The following KIAA1217 variants were observed in gnomAD, a reference collection of about 807,000 sequenced individuals.
KIAA1217 encodes KIAA1217, also known as sickle tail protein homolog.
Under a neutral mutation model 163.9 loss-of-function variants are expected in KIAA1217, and 88 were observed. That is an observed-to-expected ratio of 0.54 (90% CI 0.45 to 0.64). The LOEUF is 0.64. KIAA1217 is among the 30% of genes least tolerant of loss of function. KIAA1217 has a pLI of 0.00. For synonymous variants in KIAA1217, 903 were observed against 923.1 expected, an observed-to-expected ratio of 0.98 and a Z score of 0.39; for missense variants, 2,372 against 2,475.0, an observed-to-expected ratio of 0.96 and a Z score of 0.88.
chr10:23,973,280 A>G (rs1425353392), intron 1 of KIAA1217, among the ~76,000 whole-genome samples: 1 of 152,256 alleles, frequency 6.6e-6, no homozygotes, highest in Admixed American at 6.5e-5. Context: ...ATTTTAGCCT[A>G]TCGTTATAAT....
chr10:23,895,050 C>G (rs1162776082), intron 1 of KIAA1217, among the ~76,000 whole-genome samples: 1 of 152,012 alleles, frequency 6.6e-6, no homozygotes, highest in Non-Finnish European at 1.5e-5. Flanking sequence ...AGAAGAAAAC[C>G]TAGGCATTAC....
intron 2 of KIAA1217, among the ~76,000 whole-genome samples, chr10:24,372,702 A>G (rs866681730): frequency 1.8e-4 from 28 of 152,158 alleles, no homozygotes; most frequent in African/African-American, 5.8e-4. Context: ...AAAGAAAACT[A>G]ATGCTCGCAT....
chr10:23,892,839 A>C (rs908061913), intron 1 of KIAA1217, among the ~76,000 whole-genome samples: 1 of 151,970 alleles, frequency 6.6e-6, no homozygotes, highest in African/African-American at 2.4e-5. Flanking sequence ...TAATGCCATC[A>C]TCAACAAACC....
chr10:23,967,381 G>A (rs1436950179), intron 1 of KIAA1217, among the ~76,000 whole-genome samples: 3 of 152,144 alleles, frequency 2.0e-5, no homozygotes, highest in African/African-American at 4.8e-5. Context: ...ATAACAGAAG[G>A]AGACATATTT....
chr10:24,067,305 G>T (rs371703396), intron 2 of KIAA1217, among the ~76,000 whole-genome samples: 1 of 152,100 alleles, frequency 6.6e-6, no homozygotes, highest in Non-Finnish European at 1.5e-5. Flanking sequence ...TGATGGTGAC[G>T]TACTGATGGG....
intron 2 of KIAA1217, among the ~76,000 whole-genome samples, chr10:24,016,300 G>T (rs1371561741): frequency 1.3e-5 from 2 of 152,056 alleles, no homozygotes; most frequent in Non-Finnish European, 2.9e-5. Context: ...TCTTTGCTCA[G>T]TTCTTGTATT....
chr10:24,039,685 A>G (rs1645409264), intron 2 of KIAA1217, among the ~76,000 whole-genome samples: 1 of 152,130 alleles, frequency 6.6e-6, no homozygotes, highest in Non-Finnish European at 1.5e-5. Flanking sequence ...ACCTACCCCC[A>G]TTGTACGTCA....
rs905495929 is a variant in KIAA1217, at chr10:24,542,507, G to T, written c.3535-186G>T. On this transcript the variant is annotated intron_variant, in intron 17 of 20. Coordinates refer to ENST00000376454, the MANE Select transcript of KIAA1217 (RefSeq NM_019590.5). ...AGATTTTCATCTTGTGCAAACACAG[G>T]GCATTTTTGGCAGTTGGAGAACAAA... 2.8e-6 allele frequency: 4 copies of T among 1,420,884 alleles called. No individual in the cohort carries two copies. In the African/African-American group the frequency reaches 5.8e-5, roughly 20 times the overall value. The allele number at this position is 1,420,884 out of a possible 1,614,324, so 88.0% of individuals were successfully genotyped here. A position where few individuals can be genotyped will look rare whatever the true frequency, so the allele number is the denominator to read the frequency against.
rs1330033894 is a variant in KIAA1217, at chr10:24,473,996, C to A, written c.1615C>A (p.Pro539Thr). The change falls in exon 6 of 21, where the codon CCT becomes ACT. Residue 539 changes from proline (P) to threonine (T), a missense_variant. By Grantham distance (38) the Pro-to-Thr change is conservative. This residue lies in a region of KIAA1217 where 1,431 missense variants were observed against 1,470.3 expected (regional missense o/e 0.97). Coordinates refer to ENST00000376454, the MANE Select transcript of KIAA1217 (RefSeq NM_019590.5). ...ATCCAGCCTTGTAGACCTCGGCCCT[C>A]CTCTAATGGAGAAGCAAGTTTTTGC... ...GLSSLVDLGP[P>T]LMEKQVFAYS... 6.2e-7 allele frequency: 1 copy of A among 1,612,866 alleles called. No homozygotes were observed. The highest frequency in any genetic ancestry group is 1.3e-5 in the African/African-American group (1 of 74,802).
chr10:24,513,231 A>G (rs764761378), intron 9 of KIAA1217, 28 bp from the exon 10 acceptor site: 1 of 1,610,590 alleles, frequency 6.2e-7, no homozygotes, highest in Non-Finnish European at 8.5e-7. Flanking sequence ...GGCAGAGCCC[A>G]CTGAGGTTGA....
chr10:24,165,383 C>T lies in KIAA1217; in HGVS notation c.-170-54243C>T, dbSNP rs74123655. ...GATCCATATGTGGATGGCTGTCACA[C>T]AAGAGATGCTAGGAATGTGTCAGTG... On this transcript the variant is annotated intron_variant, in intron 2 of 18. Coordinates refer to the KIAA1217 transcript ENST00000376462. 1.4e-3 allele frequency among the ~76,000 whole-genome samples: 211 copies of T among 152,272 alleles called. 1 individual carries two copies. The highest frequency in any genetic ancestry group is 4.7e-3 in the African/African-American group (197 of 41,562).
intron 2 of KIAA1217, among the ~76,000 whole-genome samples, chr10:24,033,927 T>G (rs991049905): frequency 6.6e-6 from 1 of 152,220 alleles, no homozygotes; most frequent in Non-Finnish European, 1.5e-5. Context: ...TATTTACTGT[T>G]TGGCTCCTTA....
intron 2 of KIAA1217, among the ~76,000 whole-genome samples, chr10:24,291,046 TGGA>T (rs1195495801): frequency 2.0e-5 from 3 of 152,232 alleles, no homozygotes; most frequent in Non-Finnish European, 4.4e-5. Context: ...GAATAAGTTT[TGGA>T]ATGCTTCCTC....
At chr10:24,368,736 G>T (rs1564552081) in intron 2 of KIAA1217, 1 of 429,968 alleles carries the variant, frequency 2.3e-6, no homozygotes. Context: ...AGGTTTGTTT[G>T]TACCCTTCTC....
intron 6 of KIAA1217, among the ~76,000 whole-genome samples, chr10:24,484,245 T>A (rs201860468): frequency 0.035 from 2,865 of 82,412 alleles, 103 homozygotes; most frequent in African/African-American, 0.14. Context: ...ATATATATTT[T>A]TTTTTTTTTT....
intron 1 of KIAA1217, among the ~76,000 whole-genome samples, chr10:23,939,501 A>G (rs751593209): frequency 1.3e-5 from 2 of 152,084 alleles, no homozygotes; most frequent in African/African-American, 2.4e-5. Flanking sequence ...ATCACCAAGG[A>G]TAAATATAAA....
chr10:24,440,902 C>T (rs1310097422), intron 5 of KIAA1217, among the ~76,000 whole-genome samples: 1 of 152,234 alleles, frequency 6.6e-6, no homozygotes, highest in Non-Finnish European at 1.5e-5. Context: ...ATTGCAGACG[C>T]TAAAAGGCAT....
chr10:24,451,678 G>A (rs77531776), intron 5 of KIAA1217, among the ~76,000 whole-genome samples: 2,196 of 152,308 alleles, frequency 0.014, 43 homozygotes, highest in African/African-American at 0.05. Flanking sequence ...GTTAGCTCCC[G>A]AAGAGTTCTG....
At chr10:24,179,974 C>G (rs2066091592) in intron 2 of KIAA1217, among the ~76,000 whole-genome samples, 1 of 152,180 alleles carries the variant, frequency 6.6e-6, no homozygotes, top group Non-Finnish European at 1.5e-5. Flanking sequence ...ATGGAGGAAA[C>G]TAGTGGAAGA....
Sources: gnomAD v4.1 joint callset for allele counts (sites outside exome capture counted in the v4.1 genomes callset) on GRCh38, gnomAD v4.1.1 for gene constraint, gnomAD v4.1.1 regional missense constraint, MANE v1.5 for transcripts, NCBI Gene and HGNC (gene_info 2026-07-23, HGNC 2026-07-21) for gene names.